The following WDR37 variants were observed in gnomAD, a reference collection of about 807,000 sequenced individuals.
WDR37 encodes the protein WD repeat domain 37, also known as WD repeat-containing protein 37.
A neutral mutation model predicts 62.9 loss-of-function variants in WDR37; 19 were observed. That is an observed-to-expected ratio of 0.30 (90% CI 0.21 to 0.44). The LOEUF (loss-of-function observed/expected upper bound fraction) is 0.44. WDR37 is among the 20% of genes least tolerant of loss of function. WDR37 has a pLI of 1.00. For missense variants in WDR37, 474 were observed against 657.6 expected (o/e 0.72, Z 3.05); for synonymous variants, 250 against 260.9 (o/e 0.96, Z 0.40).
At chr10:1,088,741 G>C (rs751910585) in intron 7 of WDR37, among the ~76,000 whole-genome samples, 1 of 151,870 alleles carries the variant, frequency 6.6e-6, no homozygotes, top group Non-Finnish European at 1.5e-5. Context: ...AATTACCAGC[G>C]TGTGTCACAG....
At chr10:1,086,762 A>G (rs755415029) in intron 7 of WDR37, among the ~76,000 whole-genome samples, 1 of 152,228 alleles carries the variant, frequency 6.6e-6, no homozygotes, top group Non-Finnish European at 1.5e-5. Flanking sequence ...CCCGTAGTTA[A>G]TGCTGTCCAC....
chr10:1,087,404 C>T lies in WDR37; in HGVS notation c.604+1047C>T, dbSNP rs139196686. 2.1e-3 allele frequency among the ~76,000 whole-genome samples: 324 copies of T among 152,292 alleles called. 1 individual carries two copies. Among genetic ancestry groups the T allele is most frequent in the African/African-American group, 7.5e-3 (312 of 41,550 alleles). ...TATTCTGTTTCCTCCTTCAAATTTC[C>T]TCTTCAGAAACGTTAAAAAAATTAA... is the stretch of plus-strand genomic sequence containing the variant. On this transcript the variant is annotated intron_variant, in intron 7 of 13. Transcript: ENST00000263150.
chr10:1,073,833 A>G (rs1415919692), intron 2 of WDR37, among the ~76,000 whole-genome samples: 2 of 152,148 alleles, frequency 1.3e-5, no homozygotes, highest in Non-Finnish European at 2.9e-5. Context: ...GACCCCTGTC[A>G]TACTGGAGGG....
intron 7 of WDR37, among the ~76,000 whole-genome samples, chr10:1,089,744 C>T (rs1834326427): frequency 6.6e-6 from 1 of 152,142 alleles, no homozygotes; most frequent in African/African-American, 2.4e-5. Flanking sequence ...CACTCACTCA[C>T]CGTCACCATC....
intron 11 of WDR37, among the ~76,000 whole-genome samples, chr10:1,110,642 G>A (rs1422189767): frequency 2.6e-5 from 4 of 152,248 alleles, no homozygotes; most frequent in African/African-American, 9.6e-5. Context: ...GCCAGGTTGT[G>A]TGTGTGTGTT....
At chr10:1,098,530 G>A (rs1215278351) in intron 9 of WDR37, among the ~76,000 whole-genome samples, 2 of 152,096 alleles carry the variant, frequency 1.3e-5, no homozygotes, top group East Asian at 1.9e-4. Context: ...GTTTCACCAC[G>A]TTCGCCAGAC....
intron 13 of WDR37, among the ~76,000 whole-genome samples, chr10:1,125,500 G>A (rs1011432500): frequency 6.6e-6 from 1 of 152,188 alleles, no homozygotes; most frequent in Non-Finnish European, 1.5e-5. Context: ...GTGAGCCACC[G>A]TGCCCAGCCC....
chr10:1,098,377 G>C (rs1404300137), intron 9 of WDR37, among the ~76,000 whole-genome samples: 1 of 147,732 alleles, frequency 6.8e-6, no homozygotes, highest in East Asian at 2.0e-4. Context: ...GCCCAGGCTG[G>C]AGTGCAGTGG....
chr10:1,114,674 G>A (rs1181604131), intron 11 of WDR37, among the ~76,000 whole-genome samples: 2 of 152,336 alleles, frequency 1.3e-5, no homozygotes, highest in South Asian at 2.1e-4. Context: ...ACCCGCAGAA[G>A]CTCCGAGATT....
intron 1 of WDR37, among the ~76,000 whole-genome samples, chr10:1,069,387 ATATTTT>A (rs1267889271): frequency 3.3e-5 from 1 of 30,438 alleles, no homozygotes; most frequent in Admixed American, 3.3e-4. Context: ...ATATATATAT[ATATTTT>A]TTTTTTTTTT....
chr10:1,083,710 A>G (rs1400327466), intron 5 of WDR37, among the ~76,000 whole-genome samples: 2 of 152,178 alleles, frequency 1.3e-5, no homozygotes, highest in Admixed American at 1.3e-4. Flanking sequence ...GTCATTCGAG[A>G]CGATGCCTTT....
chr10:1,108,663 C>T (rs1040686915), intron 11 of WDR37, among the ~76,000 whole-genome samples: 11 of 151,252 alleles, frequency 7.3e-5, no homozygotes, highest in African/African-American at 2.0e-4. Flanking sequence ...TGAGTATTAG[C>T]GAGCATAGAC....
Position 1,103,730 on chromosome 10 carries a change from C to A in WDR37, c.855C>A (p.Ile285=). 1 of 1,614,230 alleles carries A rather than the reference C, an allele frequency of 6.2e-7. No homozygotes were observed. Among genetic ancestry groups the A allele is most frequent in the East Asian group, 2.2e-5 (1 of 44,886 alleles). Residue 285 remains isoleucine (I), a synonymous_variant, in exon 10 of 14, where the codon ATC becomes ATA. Coordinates refer to ENST00000263150, the MANE Select transcript of WDR37 (RefSeq NM_014023.4). This position sits in a 1 kb window ranked among gnomAD's most constrained non-coding sequence, Gnocchi z 6.3. Reference sequence around the variant, plus strand: ...TCAAGAGCCACCAGGGCGTGGTCATCGCCTCCGACTGGCTGGTTGGGGGGA... The same window carrying A: ...TCAAGAGCCACCAGGGCGTGGTCATAGCCTCCGACTGGCTGGTTGGGGGGA... The part of the protein sequence containing the change: ...TSLKSHQGVV[I]ASDWLVGGKQ...
At chr10:1,099,314 A>G (rs1348381232) in intron 9 of WDR37, among the ~76,000 whole-genome samples, 4 of 152,350 alleles carry the variant, frequency 2.6e-5, no homozygotes, top group East Asian at 3.9e-4. Flanking sequence ...ACAGGTGGGA[A>G]CAGTGCCAGG....
At chr10:1,093,311 ATAACT>A (rs1834463190) in intron 7 of WDR37, 136 bp from the exon 8 acceptor site, 15 of 677,394 alleles carry the variant, frequency 2.2e-5, no homozygotes, top group Non-Finnish European at 3.5e-5. Flanking sequence ...ACATTTATTT[ATAACT>A]TAACTGAGTG....
At chr10:1,110,463 A>G in intron 11 of WDR37, among the ~76,000 whole-genome samples, 1 of 152,256 alleles carries the variant, frequency 6.6e-6, no homozygotes, top group East Asian at 1.9e-4. Context: ...AATACGACAA[A>G]TAAAACCTAC....
Position 1,129,320 on chromosome 10 carries a change from C to T in WDR37, c.1461C>T (p.Ile487=). 1 of 1,614,092 alleles carries T rather than the reference C, an allele frequency of 6.2e-7. No individual in the cohort carries two copies. Among genetic ancestry groups the T allele is most frequent in the African/African-American group, 1.3e-5 (1 of 75,016 alleles). ...AAGCCATTGGTTGGAACATCAACAT[C>T]CCTGCATTGCTACAAGAAAAATAAG... is the stretch of plus-strand genomic sequence containing the variant. The part of the protein sequence containing the change: ...DRQAIGWNIN[I]PALLQEK Residue 487 remains isoleucine, a synonymous_variant, in exon 14 of 14, where the codon ATC becomes ATT. Transcript: ENST00000263150.
intron 12 of WDR37, 68 bp from the exon 13 acceptor site, chr10:1,124,842 A>G: frequency 6.4e-7 from 1 of 1,573,152 alleles, no homozygotes. Context: ...CTGCTTCATT[A>G]TCTGTCAACT....
At position 1,103,846 on chromosome 10, in the gene WDR37, T is replaced by A. The variant is rs1256804037; in HGVS notation, c.961+10T>A. The stretch of plus-strand genomic sequence containing the variant: ...GTTCACTCTCTGACAGGTGCCTGGG[T>A]TCTCTGAGTCCGCCGCCTCCTGGCT... On this transcript the variant is annotated intron_variant, in intron 10 of 13. Transcript: ENST00000263150. The surrounding 1 kb of genome is among the most constrained non-coding windows in gnomAD (Gnocchi z 6.3). 1.9e-6 allele frequency: 3 copies of A among 1,612,884 alleles called. No homozygotes were observed. The highest frequency in any genetic ancestry group is 2.5e-6 in the Non-Finnish European group (3 of 1,179,068).
Sources: gnomAD v4.1 joint callset for allele counts (sites outside exome capture counted in the v4.1 genomes callset) on GRCh38, gnomAD v4.1.1 for gene constraint, Gnocchi (gnomAD v3.1) non-coding constraint, MANE v1.5 for transcripts, NCBI Gene and HGNC (gene_info 2026-07-23, HGNC 2026-07-21) for gene names.